Variants in FOXRED2 observed in about 807,000 individuals in gnomAD.
FOXRED2 encodes FAD-dependent oxidoreductase domain-containing protein 2.
In FOXRED2, 32 loss-of-function variants were observed where a neutral mutation model predicts 52.5. The observed-to-expected ratio is 0.61, with a 90% CI of 0.46 to 0.82. The LOEUF is 0.82. Among genes scored for constraint, FOXRED2 ranks in the 40% least tolerant of loss-of-function variants. The pLI is 0.00. For synonymous variants in FOXRED2, 405 were observed against 398.1 expected, an observed-to-expected ratio of 1.02 and a Z score of -0.21; for missense variants, 848 against 937.5, an observed-to-expected ratio of 0.90 and a Z score of 1.25.
In FOXRED2 at chr22:36,504,521, T is replaced by G; in HGVS notation, c.773A>C (p.Asp258Ala). The G allele has an allele frequency of 6.2e-7, 1 of 1,613,976 alleles. No individual in the cohort carries two copies. Among genetic ancestry groups the G allele is most frequent in the Non-Finnish European group, 8.5e-7 (1 of 1,179,966 alleles). ...ATGCGGGGATGTGGCCTACCTGAGGTCTCCAACGTAGTGGGTGGCCCAGGA... is the reference window on the plus strand; with the variant it reads ...ATGCGGGGATGTGGCCTACCTGAGGGCTCCAACGTAGTGGGTGGCCCAGGA... ...RLSWATHYVG[D>A]LRAINNGLLD... The change falls in exon 3 of 9, where the codon GAC becomes GCC. Residue 258 changes from aspartate to alanine, a missense_variant. Transcript: ENST00000397224.
At chr22:36,494,586 C>A (rs1290436984) in intron 7 of FOXRED2, among the ~76,000 whole-genome samples, 1 of 152,180 alleles carries the variant, frequency 6.6e-6, no homozygotes, top group Non-Finnish European at 1.5e-5. Flanking sequence ...TTCTGGGAAA[C>A]CTGAATTTGG....
At chr22:36,503,475 A>T (rs190796062) in intron 4 of FOXRED2, among the ~76,000 whole-genome samples, 228 of 149,420 alleles carry the variant, frequency 1.5e-3, no homozygotes, top group African/African-American at 5.5e-3. Context: ...ACGCTTGGTT[A>T]AATTTTTGTA....
chr22:36,496,291 G>A, intron 6 of FOXRED2, 83 bp from the exon 7 acceptor site: 1 of 1,532,618 alleles, frequency 6.5e-7, no homozygotes, highest in Non-Finnish European at 8.9e-7. Flanking sequence ...ATGTGTGTGT[G>A]CGTGTGTATC....
In FOXRED2 at chr22:36,488,180, C is replaced by A. The variant is rs1055987365; in HGVS notation, c.*1828G>T. The stretch of plus-strand genomic sequence containing the variant: ...ATGAAAGAGCTTTGGATCCAGAAAG[C>A]CCGGGTTCTTGGAATTCTTTTTCTC... On this transcript the variant is annotated 3_prime_UTR_variant, in exon 9 of 9. Coordinates refer to ENST00000397224, the MANE Select transcript of FOXRED2 (RefSeq NM_001102371.2). 3 of 151,660 alleles carry A rather than the reference C, an allele frequency of 2.0e-5. No homozygotes were observed. The highest frequency in any genetic ancestry group is 7.3e-5 in the African/African-American group (3 of 41,302). 9.4% of individuals were successfully genotyped at this position (151,660 alleles called of 1,614,324 possible).
intron 5 of FOXRED2, 83 bp downstream of exon 5, chr22:36,501,158 G>T: frequency 7.1e-7 from 1 of 1,406,448 alleles, no homozygotes; most frequent in Non-Finnish European, 9.9e-7. Flanking sequence ...TAATGCTTCT[G>T]GACATAGGAG....
intron 5 of FOXRED2, among the ~76,000 whole-genome samples, chr22:36,499,951 G>A (rs947574482): frequency 8.6e-5 from 13 of 152,030 alleles, no homozygotes; most frequent in African/African-American, 2.4e-4. Flanking sequence ...ACAGGCGCCC[G>A]CCACCATGCC....
At chr22:36,505,786 C>T (rs1198558357) in intron 2 of FOXRED2, 110 bp downstream of exon 2, 20 of 1,165,086 alleles carry the variant, frequency 1.7e-5, no homozygotes, top group Admixed American at 2.2e-5. Flanking sequence ...AAAAAAAAAG[C>T]GAAATACCCT....
chr22:36,490,389 T>A, intron 8 of FOXRED2, 122 bp from the exon 9 acceptor site: 1 of 1,186,452 alleles, frequency 8.4e-7, no homozygotes, highest in Non-Finnish European at 1.2e-6. Flanking sequence ...GTATCTTCCA[T>A]CCCTTGAAAC....
In FOXRED2 at chr22:36,506,599, G is replaced by T. The variant is rs1245179918; in HGVS notation, c.-1-176C>A. 7.0e-6 allele frequency: 4 copies of T among 570,998 alleles called. No homozygotes were observed. In the East Asian group the frequency reaches 1.2e-4, roughly 18 times the overall value. The allele number at this position is 570,998 out of a possible 1,614,324, so 35.4% of individuals were successfully genotyped here. A position where few individuals can be genotyped will look rare whatever the true frequency, so the allele number is the denominator to read the frequency against. ...TCCACCGTTTCAAGCTGGGACTTGG[G>T]GCTCCCCGGAATCCCGAGCCCCTCC... On this transcript the variant is annotated intron_variant, in intron 1 of 8. Transcript: ENST00000397224.
In FOXRED2 at chr22:36,488,101, A is replaced by G. The variant is rs928898880; in HGVS notation, c.*1907T>C. ...GAGCGAAATCCATTGCAAAAAAAAA[A>G]AAAAAGAAAAAGAAAAAGTCTGGAC... On this transcript the variant is annotated 3_prime_UTR_variant, in exon 9 of 9. Coordinates refer to ENST00000397224, the MANE Select transcript of FOXRED2 (RefSeq NM_001102371.2). 1 of 151,938 alleles carries G rather than the reference A, an allele frequency of 6.6e-6. No homozygotes were observed. Among genetic ancestry groups the G allele is most frequent in the African/African-American group, 2.4e-5 (1 of 41,374 alleles). The allele number at this position is 151,938 out of a possible 1,614,324, so 9.4% of individuals were successfully genotyped here.
At chr22:36,494,346 A>C (rs1026827514) in intron 7 of FOXRED2, among the ~76,000 whole-genome samples, 28 of 152,034 alleles carry the variant, frequency 1.8e-4, no homozygotes, top group Non-Finnish European at 4.0e-4. Context: ...GGCTGGTCTC[A>C]AACTCCTGAC....
chr22:36,491,818 A>G (rs370468204), intron 8 of FOXRED2, among the ~76,000 whole-genome samples: 1 of 152,178 alleles, frequency 6.6e-6, no homozygotes, highest in Non-Finnish European at 1.5e-5. Flanking sequence ...AGACTAATAC[A>G]GTGAGAAAAA....
chr22:36,495,177 T>C (rs1603493634), intron 7 of FOXRED2, among the ~76,000 whole-genome samples: 1 of 152,098 alleles, frequency 6.6e-6, no homozygotes, highest in Non-Finnish European at 1.5e-5. Context: ...GCCAGGCTGG[T>C]CTTGAACTCC....
At chr22:36,500,154 T>C (rs1350423050) in intron 5 of FOXRED2, among the ~76,000 whole-genome samples, 1 of 152,170 alleles carries the variant, frequency 6.6e-6, no homozygotes, top group African/African-American at 2.4e-5. Context: ...TTGCTTTCTA[T>C]GAAAGAAGAG....
chr22:36,501,289 C>T lies in FOXRED2; in HGVS notation c.1168G>A (p.Asp390Asn). The T allele has an allele frequency of 6.2e-7, 1 of 1,614,090 alleles. No individual in the cohort carries two copies. Among genetic ancestry groups the T allele is most frequent in the African/African-American group, 1.3e-5 (1 of 75,020 alleles). Residue 390 changes from aspartate (D) to asparagine (N), a missense_variant, in exon 5 of 9, where the codon GAC becomes AAC. Asp to Asn is a conservative substitution (Grantham distance 23). Transcript: ENST00000397224. ...FILGTASHSV[D>N]YRKSAGGFIH... ...AAGCCCCCAGCAGATTTCCGGTAGT[C>T]CACCGAGTGGCTGGCAGTACCCAGG...
In FOXRED2 at chr22:36,490,194, C is replaced by T. The variant is rs1933717729; in HGVS notation, c.1869G>A (p.Gln623=). ...PFCQQGYLRM[Q]GLVSTESLWQ... ...AAAGGCTCTCGGTACTCACGAGTCC[C>T]TGCATCCTCAGGTACCCCTGCTGGC... The change falls in exon 9 of 9, where the codon CAG becomes CAA. Residue 623 remains glutamine (Q), a synonymous_variant. Transcript: ENST00000397224. 6.2e-7 allele frequency: 1 copy of T among 1,613,922 alleles called. No individual in the cohort carries two copies. The highest frequency in any genetic ancestry group is 1.3e-5 in the African/African-American group (1 of 74,946).
rs745956676 is a variant in FOXRED2 at position 36,501,401 on chromosome 22, G to A, written c.1056C>T (p.Leu352=). 6.2e-6 allele frequency: 10 copies of A among 1,613,918 alleles called. No homozygotes were observed. Among genetic ancestry groups the A allele is most frequent in the Admixed American group, 1.7e-5 (1 of 60,008 alleles). The change falls in exon 5 of 9, where the codon CTC becomes CTT. Residue 352 remains leucine, a synonymous_variant. Transcript: ENST00000397224. Reference sequence around the variant, plus strand: ...CGAATGCATTTCCCGAGTTAAGTCTGAGGGACCTGTCAGTGGAAAGGGCTG... The same window carrying A: ...CGAATGCATTTCCCGAGTTAAGTCTAAGGGACCTGTCAGTGGAAAGGGCTG... ...NFDFSIFNKS[L]RLNSGNAFGK... is the part of the protein sequence containing the mutation.
At chr22:36,500,961 C>T (rs1934027213) in intron 5 of FOXRED2, among the ~76,000 whole-genome samples, 1 of 152,100 alleles carries the variant, frequency 6.6e-6, no homozygotes, top group Non-Finnish European at 1.5e-5. Context: ...ATCATCATGG[C>T]TCACTGCAAC....
At position 36,504,652 on chromosome 22, in the gene FOXRED2, C is replaced by T. The variant is rs1248902817; in HGVS notation, c.642G>A (p.Gln214=). ...VSVDPEDFVG[Q]NVLILGRGNS... is the part of the protein sequence containing the mutation. The stretch of plus-strand genomic sequence containing the variant: ...TCCCACGACCCAGGATCAGCACATT[C>T]TGGCCTACAAAGTCCTCAGGGTCCA... Residue 214 remains glutamine, a synonymous_variant, in exon 3 of 9, where the codon CAG becomes CAA. Coordinates refer to ENST00000397224, the MANE Select transcript of FOXRED2 (RefSeq NM_001102371.2). 3.1e-6 allele frequency: 5 copies of T among 1,614,204 alleles called. No individual in the cohort carries two copies. The highest frequency in any genetic ancestry group is 2.2e-5 in the South Asian group (2 of 91,086).
Sources: allele counts gnomAD v4.1 joint callset (sites outside exome capture counted in the v4.1 genomes callset), GRCh38; gene constraint gnomAD v4.1.1; transcripts MANE v1.5; gene names NCBI Gene and HGNC (gene_info 2026-07-23, HGNC 2026-07-21).